The following LY75 variants were observed in gnomAD, a reference collection of about 807,000 sequenced individuals.
The protein encoded by LY75 is C-type lectin domain family 13 member B.
A neutral mutation model predicts 231.7 loss-of-function variants in LY75; 185 were observed. The ratio of observed to expected loss-of-function variants is 0.80; its 90% CI spans 0.71 to 0.90. LY75 has a LOEUF of 0.90. LY75 is among the 40% of genes least tolerant of loss of function. The pLI is 0.00. For missense variants in LY75, 1,947 were observed against 2,050.2 expected (o/e 0.95, Z 0.97); for synonymous variants, 668 against 689.0 (o/e 0.97, Z 0.48).
intron 28 of LY75, among the ~76,000 whole-genome samples, chr2:159,827,530 C>A (rs1683511182): frequency 6.6e-6 from 1 of 152,182 alleles, no homozygotes; most frequent in Non-Finnish European, 1.5e-5. Context: ...TTAGTTCAAC[C>A]ATTGTGGAAG....
At chr2:159,867,255 T>C (rs1014778254) in intron 13 of LY75, among the ~76,000 whole-genome samples, 2 of 152,134 alleles carry the variant, frequency 1.3e-5, no homozygotes, top group African/African-American at 4.8e-5. Context: ...CAGAAAATAA[T>C]AGCGACATGT....
At chr2:159,893,755 T>C (rs534820540) in intron 3 of LY75, among the ~76,000 whole-genome samples, 159 bp downstream of exon 3, 1 of 152,348 alleles carries the variant, frequency 6.6e-6, no homozygotes, top group Admixed American at 6.5e-5. Context: ...GGCAAATTCA[T>C]GGCTACACAT....
intron 28 of LY75, 89 bp from the exon 29 acceptor site, chr2:159,820,009 T>A (rs1293847693): frequency 7.5e-7 from 1 of 1,324,598 alleles, no homozygotes; most frequent in East Asian, 2.5e-5. Flanking sequence ...CTTGACTAAT[T>A]TTCTCTTTTC....
chr2:159,862,291 CAA>C (rs71000315), intron 14 of LY75, among the ~76,000 whole-genome samples: 2 of 123,360 alleles, frequency 1.6e-5, no homozygotes, highest in African/African-American at 3.2e-5. Flanking sequence ...GACTACGTCT[CAA>C]AAAAAAAAAA....
At chr2:159,891,932 C>A (rs892548354) in intron 3 of LY75, among the ~76,000 whole-genome samples, 1 of 152,234 alleles carries the variant, frequency 6.6e-6, no homozygotes, top group African/African-American at 2.4e-5. Context: ...TGATACCTGG[C>A]TGACCAAACT....
At chr2:159,838,796 A>T (rs901125726) in intron 25 of LY75, among the ~76,000 whole-genome samples, 7 of 152,066 alleles carry the variant, frequency 4.6e-5, no homozygotes, top group African/African-American at 9.6e-5. Context: ...TTAATTAATT[A>T]ATTAATTTTT....
chr2:159,834,265 C>T, intron 26 of LY75, 54 bp from the exon 27 acceptor site: 1 of 1,601,358 alleles, frequency 6.2e-7, no homozygotes, highest in Admixed American at 1.7e-5. Context: ...ATGTTAAATC[C>T]TGTTTGCAGT....
intron 21 of LY75, 101 bp downstream of exon 21, chr2:159,852,100 A>G (rs1684416433): frequency 6.8e-7 from 1 of 1,478,956 alleles, no homozygotes; most frequent in South Asian, 1.4e-5. Context: ...TGCAGAGTCT[A>G]TTTCAGTGAT....
intron 34 of LY75, among the ~76,000 whole-genome samples, chr2:159,805,603 G>T (rs548347788): frequency 6.6e-6 from 1 of 152,124 alleles, no homozygotes; most frequent in East Asian, 1.9e-4. Flanking sequence ...TTTTGTTTTT[G>T]ACTTACCTGG....
chr2:159,813,211 T>A (rs1039189987), intron 31 of LY75, among the ~76,000 whole-genome samples: 11 of 152,226 alleles, frequency 7.2e-5, no homozygotes, highest in Non-Finnish European at 1.3e-4. Context: ...CTTATGTACA[T>A]GTTTTTGAAG....
intron 23 of LY75, among the ~76,000 whole-genome samples, chr2:159,845,591 A>G (rs1415731215): frequency 6.6e-6 from 1 of 151,938 alleles, no homozygotes; most frequent in Non-Finnish European, 1.5e-5. Context: ...TTTTGTCATT[A>G]TTCCCTAAAA....
Position 159,904,700 on chromosome 2 carries a change from C to G in LY75, c.-18G>C. 7.1e-7 allele frequency: 1 copy of G among 1,413,478 alleles called. No homozygotes were observed. The allele number at this position is 1,413,478 out of a possible 1,614,324, so 87.6% of individuals were successfully genotyped here. A position where few individuals can be genotyped will look rare whatever the true frequency, so the allele number is the denominator to read the frequency against. On this transcript the variant is annotated 5_prime_UTR_variant, in exon 1 of 35. Transcript: ENST00000263636. ...GTCCTCATCCTGAGCTGGCGCAAGC[C>G]TTCCGGCCGGGTCCTCGGGCGCACG... is the stretch of plus-strand genomic sequence containing the variant.
At chr2:159,875,767 G>C (rs1256108233) in intron 11 of LY75, 124 bp from the exon 12 acceptor site, 4 of 1,189,764 alleles carry the variant, frequency 3.4e-6, no homozygotes, top group Non-Finnish European at 4.6e-6. Context: ...GGAACAAAGA[G>C]AGGAAAGAAA....
rs1337149984 is a variant in LY75 at position 159,893,896 on chromosome 2, T to C, written c.637+18A>G. 2.5e-6 allele frequency: 4 copies of C among 1,588,122 alleles called. No homozygotes were observed. Among genetic ancestry groups the C allele is most frequent in the Non-Finnish European group, 3.4e-6 (4 of 1,168,152 alleles). On this transcript the variant is annotated intron_variant, in intron 3 of 34. Coordinates refer to ENST00000263636, the MANE Select transcript of LY75 (RefSeq NM_002349.4). ...AATGTACTACCTTTCCACATAAAATTTACCAGCCCATACATACCAGGCTTT... is the reference window on the plus strand; with the variant it reads ...AATGTACTACCTTTCCACATAAAATCTACCAGCCCATACATACCAGGCTTT...
chr2:159,835,442 TA>T (rs1261726601), intron 26 of LY75, 37 bp downstream of exon 26: 1 of 1,556,900 alleles, frequency 6.4e-7, no homozygotes, highest in South Asian at 1.3e-5. Context: ...ATGGGACTGT[TA>T]ATAATTTAAG....
At chr2:159,838,388 A>AT (rs1041586116) in intron 25 of LY75, among the ~76,000 whole-genome samples, 1 of 152,174 alleles carries the variant, frequency 6.6e-6, no homozygotes, top group African/African-American at 2.4e-5. Context: ...GACCCAAATC[A>AT]TTAAGTGGGG....
chr2:159,828,276 A>G (rs1683540075), intron 28 of LY75, among the ~76,000 whole-genome samples: 2 of 150,908 alleles, frequency 1.3e-5, no homozygotes, highest in African/African-American at 4.8e-5. Context: ...GAAAGTATTT[A>G]TATCCAGAAT....
At chr2:159,873,116 A>AGAAGAAGAAAGGAGAAAAAG (rs1157184322) in intron 12 of LY75, among the ~76,000 whole-genome samples, 1 of 151,246 alleles carries the variant, frequency 6.6e-6, no homozygotes, top group African/African-American at 2.4e-5. Context: ...CTGTTTCAAA[A>AGAAGAAGAAAGGAGAAAAAG]GAAGAAGAAA....
intron 25 of LY75, 96 bp downstream of exon 25, chr2:159,840,630 GTTC>G: frequency 1.3e-6 from 2 of 1,514,388 alleles, no homozygotes; most frequent in Non-Finnish European, 8.9e-7. Flanking sequence ...AAGATTTTCA[GTTC>G]TTCTGTTTGT....
Sources: gnomAD v4.1 joint callset for allele counts (sites outside exome capture counted in the v4.1 genomes callset) on GRCh38, gnomAD v4.1.1 for gene constraint, MANE v1.5 for transcripts, NCBI Gene and HGNC (gene_info 2026-07-23, HGNC 2026-07-21) for gene names.